Variants in COLEC12 observed in about 807,000 individuals in gnomAD.
COLEC12 encodes collectin-12.
In COLEC12, 33 loss-of-function variants were observed where a neutral mutation model predicts 71.1. The ratio of observed to expected loss-of-function variants is 0.46; its 90% CI spans 0.35 to 0.62. COLEC12 has a LOEUF of 0.62. COLEC12 is among the 20% of genes least tolerant of loss of function. The pLI is 0.00. For synonymous variants in COLEC12, 350 were observed against 353.0 expected (o/e 0.99, Z 0.10); for missense variants, 765 against 916.1 (o/e 0.84, Z 2.13).
chr18:392,560 C>T (rs999873301), intron 2 of COLEC12, among the ~76,000 whole-genome samples: 2 of 152,202 alleles, frequency 1.3e-5, no homozygotes, highest in Admixed American at 1.3e-4. Flanking sequence ...ATTTCAGATG[C>T]TATTTGGTGA....
chr18:458,491 C>T (rs143843894), intron 2 of COLEC12, among the ~76,000 whole-genome samples: 1 of 152,336 alleles, frequency 6.6e-6, no homozygotes, highest in Non-Finnish European at 1.5e-5. Flanking sequence ...GGTTGGCCCT[C>T]TCCTCTAGCC....
At chr18:329,786 G>C (rs559364441) in intron 8 of COLEC12, among the ~76,000 whole-genome samples, 1 of 152,308 alleles carries the variant, frequency 6.6e-6, no homozygotes, top group East Asian at 1.9e-4. Context: ...TTTTTATAAA[G>C]AGCTGGCCTG....
At chr18:382,129 A>G (rs1401764897) in intron 2 of COLEC12, among the ~76,000 whole-genome samples, 1 of 152,196 alleles carries the variant, frequency 6.6e-6, no homozygotes, top group Non-Finnish European at 1.5e-5. Flanking sequence ...TACCAGGTAT[A>G]CTGTGGGTCA....
chr18:332,934 C>A, intron 7 of COLEC12, 73 bp downstream of exon 7: 3 of 1,347,132 alleles, frequency 2.2e-6, no homozygotes, highest in East Asian at 4.9e-5. Flanking sequence ...GAATCCCCAA[C>A]AAGCCTGCAA....
intron 2 of COLEC12, among the ~76,000 whole-genome samples, chr18:417,931 G>A (rs181953773): frequency 7.2e-5 from 11 of 152,238 alleles, no homozygotes; most frequent in Non-Finnish European, 1.2e-4. Flanking sequence ...TTCAGTCCTC[G>A]GAGGCCTCCC....
At chr18:436,252 T>C (rs1293499711) in intron 2 of COLEC12, among the ~76,000 whole-genome samples, 1 of 152,208 alleles carries the variant, frequency 6.6e-6, no homozygotes. Flanking sequence ...GGCTCACGCC[T>C]GTAATCCCAA....
chr18:331,757 C>T lies in COLEC12; in HGVS notation c.1974G>A (p.Met658Ile). ...REEQQWIKKQ[M>I]VGRESHWIGL... ...CGATCCAGTGGCTCTCTCTCCCTAC[C>T]ATCTGTTTTTTTATCCATTGCTGAA... Residue 658 changes from methionine to isoleucine, a missense_variant, in exon 8 of 10, where the codon ATG (methionine) becomes ATA (isoleucine). Coordinates refer to ENST00000400256, the MANE Select transcript of COLEC12 (RefSeq NM_130386.3). The T allele has an allele frequency of 6.2e-7, 1 of 1,613,642 alleles. No homozygotes were observed. Among genetic ancestry groups the T allele is most frequent in the East Asian group, 2.2e-5 (1 of 44,876 alleles).
chr18:357,637 T>C (rs1914657433), intron 2 of COLEC12, 115 bp from the exon 3 acceptor site: 1 of 784,758 alleles, frequency 1.3e-6, no homozygotes, highest in Non-Finnish European at 2.0e-6. Flanking sequence ...AATGCCTTAC[T>C]ATACTATGAG....
chr18:434,079 A>T (rs1916357831), intron 2 of COLEC12, among the ~76,000 whole-genome samples: 1 of 152,156 alleles, frequency 6.6e-6, no homozygotes, highest in African/African-American at 2.4e-5. Context: ...AAAGTCTACT[A>T]TAAAAATCAT....
At chr18:434,936 C>T (rs1480315950) in intron 2 of COLEC12, among the ~76,000 whole-genome samples, 2 of 152,194 alleles carry the variant, frequency 1.3e-5, no homozygotes, top group African/African-American at 4.8e-5. Flanking sequence ...AAGTGCCCCA[C>T]CTCGAGGCCA....
intron 2 of COLEC12, among the ~76,000 whole-genome samples, chr18:417,655 T>C (rs1342147785): frequency 1.3e-5 from 2 of 152,172 alleles, no homozygotes; most frequent in African/African-American, 4.8e-5. Context: ...GTAGAGGTGC[T>C]GAAATAGTGG....
chr18:332,879 A>G (rs982555146), intron 7 of COLEC12, 128 bp downstream of exon 7: 2 of 790,404 alleles, frequency 2.5e-6, no homozygotes, highest in African/African-American at 3.5e-5. Flanking sequence ...AATCTCTGTA[A>G]TGTTGCCTCC....
chr18:490,398 A>G (rs974179966), intron 1 of COLEC12, among the ~76,000 whole-genome samples: 6 of 152,202 alleles, frequency 3.9e-5, no homozygotes, highest in African/African-American at 1.4e-4. Flanking sequence ...CAGGTAACTG[A>G]AAGAGGTGTA....
intron 2 of COLEC12, among the ~76,000 whole-genome samples, chr18:365,661 A>G (rs889487291): frequency 6.6e-6 from 1 of 152,176 alleles, no homozygotes; most frequent in East Asian, 1.9e-4. Flanking sequence ...CGATTAAAAA[A>G]TTTATTTACC....
At chr18:423,438 T>C (rs1916137242) in intron 2 of COLEC12, among the ~76,000 whole-genome samples, 1 of 151,950 alleles carries the variant, frequency 6.6e-6, no homozygotes, top group African/African-American at 2.4e-5. Flanking sequence ...TCTTCTTCTT[T>C]TTTTTAACAA....
intron 6 of COLEC12, 148 bp from the exon 7 acceptor site, chr18:333,291 C>T (rs1442283322): frequency 6.4e-6 from 4 of 622,378 alleles, no homozygotes; most frequent in Non-Finnish European, 1.1e-5. Context: ...CGTTCACGGA[C>T]GTGCTCGCAG....
chr18:434,091 C>T (rs372072792), intron 2 of COLEC12, among the ~76,000 whole-genome samples: 85 of 152,022 alleles, frequency 5.6e-4, no homozygotes, highest in Middle Eastern at 6.8e-3. Flanking sequence ...AAAAATCATA[C>T]TCATACCCTA....
chr18:390,569 T>A (rs1442164200), intron 2 of COLEC12, among the ~76,000 whole-genome samples: 1 of 152,128 alleles, frequency 6.6e-6, no homozygotes, highest in Non-Finnish European at 1.5e-5. Flanking sequence ...GAGACCAGAC[T>A]GGCCAACAGG....
intron 1 of COLEC12, among the ~76,000 whole-genome samples, chr18:487,438 A>G (rs1917540241): frequency 6.6e-6 from 1 of 152,228 alleles, no homozygotes; most frequent in South Asian, 2.1e-4. Flanking sequence ...AAAACATTGA[A>G]TTGTACACGT....
Sources: allele counts gnomAD v4.1 joint callset (sites outside exome capture counted in the v4.1 genomes callset), GRCh38; gene constraint gnomAD v4.1.1; transcripts MANE v1.5; gene names NCBI Gene and HGNC (gene_info 2026-07-23, HGNC 2026-07-21).